The following PEX11B variants were observed in gnomAD, a reference collection of about 807,000 sequenced individuals.
The protein encoded by PEX11B is peroxisomal membrane protein 11B.
PEX11B carries 18 observed loss-of-function variants against 28.2 expected under a neutral mutation model. That is an observed-to-expected ratio of 0.64 (90% CI 0.44 to 0.95). The LOEUF (loss-of-function observed/expected upper bound fraction) is 0.95. PEX11B is among the 40% of genes least tolerant of loss of function. PEX11B has a pLI of 0.00. For synonymous variants in PEX11B, 128 were observed against 128.7 expected (o/e 0.99, Z 0.04); for missense variants, 305 against 319.8 (o/e 0.95, Z 0.35).
chr1:145,915,788 C>A, intron 3 of PEX11B, among the ~76,000 whole-genome samples: 1 of 152,100 alleles, frequency 6.6e-6, no homozygotes, highest in Non-Finnish European at 1.5e-5. Context: ...TGCCCGCCAC[C>A]ACACCTGGCT....
intron 3 of PEX11B, among the ~76,000 whole-genome samples, chr1:145,914,627 C>A (rs1647279284): frequency 6.6e-6 from 1 of 152,110 alleles, no homozygotes; most frequent in Non-Finnish European, 1.5e-5. Context: ...TTCCCTCTAC[C>A]TGGAATATTC....
intron 2 of PEX11B, 65 bp from the exon 3 acceptor site, chr1:145,917,083 A>C: frequency 9.2e-7 from 1 of 1,085,650 alleles, no homozygotes; most frequent in Admixed American, 1.7e-5. Flanking sequence ...AAGAAACAGA[A>C]ACAGAGAAAG....
intron 3 of PEX11B, among the ~76,000 whole-genome samples, chr1:145,914,061 T>C (rs1035914525): frequency 1.3e-5 from 2 of 152,252 alleles, no homozygotes; most frequent in East Asian, 3.9e-4. Flanking sequence ...ATAAATCACA[T>C]CATTACTTCC....
At position 145,912,379 on chromosome 1, in the gene PEX11B, G is replaced by C. The variant is rs782746800; in HGVS notation, c.562C>G (p.Leu188Val). 5 of 1,612,644 alleles carry C rather than the reference G, an allele frequency of 3.1e-6. No individual in the cohort carries two copies. Among genetic ancestry groups the C allele is most frequent in the East Asian group, 4.5e-5 (2 of 44,798 alleles). ...TPGGGLPQLA[L>V]KLRLQVLLLA... ...AGCAGGACTTGCAGCCGAAGTTTCAGAGCCAGTTGGGGCAGACCTCCTCCT... is the reference window on the plus strand; with the variant it reads ...AGCAGGACTTGCAGCCGAAGTTTCACAGCCAGTTGGGGCAGACCTCCTCCT... Residue 188 changes from leucine to valine, a missense_variant, in exon 4 of 4, where the codon CTG becomes GTG. Physicochemically the swap from Leu to Val is conservative, Grantham distance 32. Transcript: ENST00000369306.
Position 145,917,627 on chromosome 1 carries a change from A to C in PEX11B, c.172+74T>G, listed in dbSNP as rs921901526. ...GAAAGAAGAACAGAGAGGGTACAGGAAGGAGGGACAAAGGAAGGTGAGCTG... is the reference window on the plus strand; with the variant it reads ...GAAAGAAGAACAGAGAGGGTACAGGCAGGAGGGACAAAGGAAGGTGAGCTG... On this transcript the variant is annotated intron_variant, in intron 2 of 3. Coordinates refer to ENST00000369306, the MANE Select transcript of PEX11B (RefSeq NM_003846.3). 1.8e-4 allele frequency: 155 copies of C among 840,606 alleles called. No individual in the cohort carries two copies. In the East Asian group the frequency reaches 3.7e-3, roughly 20 times the overall value. 52.1% of individuals were successfully genotyped at this position (840,606 alleles called of 1,614,324 possible).
intron 3 of PEX11B, among the ~76,000 whole-genome samples, chr1:145,916,132 C>T (rs1379751254): frequency 6.6e-6 from 1 of 152,190 alleles, no homozygotes; most frequent in Admixed American, 6.5e-5. Flanking sequence ...TCAATACTGT[C>T]AATCACACTG....
rs1029018752 is a variant in PEX11B, at chr1:145,918,174, G to A, written c.57-358C>T. 10 of 985,410 alleles carry A rather than the reference G, an allele frequency of 1.0e-5. No individual in the cohort carries two copies. The East Asian group carries it at 1.1e-3, about 112-fold the overall frequency. 61.0% of individuals were successfully genotyped at this position (985,410 alleles called of 1,614,324 possible). ...CAGTTGGAGGGCATTTTATTCCTCA[G>A]AATAGGTGAACTGAGAGATTTCAAG... On this transcript the variant is annotated intron_variant, in intron 1 of 3. Coordinates refer to ENST00000369306, the MANE Select transcript of PEX11B (RefSeq NM_003846.3).
intron 3 of PEX11B, among the ~76,000 whole-genome samples, chr1:145,913,469 A>C (rs1040278257): frequency 5.3e-5 from 8 of 152,106 alleles, no homozygotes; most frequent in Non-Finnish European, 8.8e-5. Context: ...AAATGAAGAA[A>C]CAAAGTCCTC....
rs1657858393 is a variant in PEX11B, at chr1:145,912,571, T to C, written c.375-5A>G. The C allele has an allele frequency of 2.0e-6, 3 of 1,478,568 alleles. No individual in the cohort carries two copies. Among genetic ancestry groups the C allele is most frequent in the Admixed American group, 4.8e-5 (2 of 41,762 alleles). The allele number at this position is 1,478,568 out of a possible 1,614,324, so 91.6% of individuals were successfully genotyped here. A position where few individuals can be genotyped will look rare whatever the true frequency, so the allele number is the denominator to read the frequency against. On this transcript the variant is annotated splice_polypyrimidine_tract_variant and splice_region_variant and intron_variant, in intron 3 of 3. Coordinates refer to ENST00000369306, the MANE Select transcript of PEX11B (RefSeq NM_003846.3). Reference sequence around the variant, plus strand: ...ATGAGGGAAAACAAATAGTACCTGATACACAGAGCAAAAGGGTCAGTAAGG... The same window carrying C: ...ATGAGGGAAAACAAATAGTACCTGACACACAGAGCAAAAGGGTCAGTAAGG...
rs201211935 is a variant in PEX11B, at chr1:145,912,514, G to A, written c.427C>T (p.Arg143Cys). The A allele has an allele frequency of 1.5e-5, 23 of 1,497,184 alleles. No individual in the cohort carries two copies. The highest frequency in any genetic ancestry group is 1.8e-4 in the Middle Eastern group (1 of 5,558). 92.7% of individuals were successfully genotyped at this position (1,497,184 alleles called of 1,614,324 possible). Residue 143 changes from arginine to cysteine, a missense_variant, in exon 4 of 4, where the codon CGC (arginine) becomes TGC (cysteine). Transcript: ENST00000369306. ...MNLSRDAYEI[R>C]LLMEQESSAC... is the part of the protein sequence containing the mutation. ...GAAGACTCTTGCTCCATCAGTAGGC[G>A]AATCTCATAAGCATCACGGCTCAAA...
chr1:145,916,830 G>A lies in PEX11B; in HGVS notation c.361C>T (p.Gln121Ter), dbSNP rs782365743. ...APRVDQEKWA[Q>*]RSFRYYLFSL... is the part of the protein sequence containing the mutation. The stretch of plus-strand genomic sequence containing the variant: ...AGGATATCAAACCTGAATGAACGCT[G>A]GGCCCACTTCTCCTGATCCACACGG... The change falls in exon 3 of 4, where the codon CAG (glutamine) becomes TAG (stop). Residue 121 changes from glutamine (Q) to a stop codon, truncating the protein, a stop_gained. Transcript: ENST00000369306. LOFTEE classifies it high-confidence loss of function. 12 of 1,613,174 alleles carry A rather than the reference G, an allele frequency of 7.4e-6. No homozygotes were observed. In the Admixed American group the frequency reaches 1.3e-4, roughly 18 times the overall value.
At chr1:145,917,667 G>T in intron 2 of PEX11B, 34 bp downstream of exon 2, 1 of 1,188,382 alleles carries the variant, frequency 8.4e-7, no homozygotes, top group Non-Finnish European at 1.3e-6. Flanking sequence ...TGGAGGAAAG[G>T]TTGGGGGATA....
rs1553753183 is a variant in PEX11B, at chr1:145,912,195, G to T, written c.746C>A (p.Thr249Asn). 1 of 1,612,982 alleles carries T rather than the reference G, an allele frequency of 6.2e-7. No individual in the cohort carries two copies. The highest frequency in any genetic ancestry group is 8.5e-7 in the Non-Finnish European group (1 of 1,179,368). Residue 249 changes from threonine (T) to asparagine (N), a missense_variant, in exon 4 of 4, where the codon ACC becomes AAC. By Grantham distance (65) the Thr-to-Asn change is moderately conservative. Transcript: ENST00000369306. ...GLVSSILSILTLIYPWLRLKP is the reference protein window; with the variant it reads ...GLVSSILSILNLIYPWLRLKP ...GAGTCGTAGCCAGGGATAGATTAGG[G>T]TGAGAATAGACAGGATGGAGGACAC...
intron 3 of PEX11B, among the ~76,000 whole-genome samples, chr1:145,915,832 C>T (rs1647346990): frequency 6.6e-6 from 1 of 152,040 alleles, no homozygotes; most frequent in Non-Finnish European, 1.5e-5. Flanking sequence ...CGGGGTTTTG[C>T]CACGTTGGCC....
chr1:145,917,901 C>A, intron 1 of PEX11B, 85 bp from the exon 2 acceptor site: 3 of 1,393,666 alleles, frequency 2.2e-6, no homozygotes, highest in Non-Finnish European at 3.0e-6. Context: ...AGACAGACTT[C>A]CCCCTTTCCC....
Position 145,917,898 on chromosome 1 carries a change from C to T in PEX11B, c.57-82G>A, listed in dbSNP as rs2274612. 21,742 of 1,406,052 alleles carry T rather than the reference C, an allele frequency of 0.015. 2,215 individuals carry two copies. The African/African-American group carries it at 0.24, about 16-fold the overall frequency. 87.1% of individuals were successfully genotyped at this position (1,406,052 alleles called of 1,614,324 possible). A position where few individuals can be genotyped will look rare whatever the true frequency, so the allele number is the denominator to read the frequency against. On this transcript the variant is annotated intron_variant, in intron 1 of 3. Transcript: ENST00000369306. ...CTATCTTCCAAAAGGCACAGACAGA[C>T]TTCCCCCTTTCCCAGTTTGAGAACA...
In PEX11B at chr1:145,918,659, C is replaced by T; in HGVS notation, c.30G>A (p.Gln10=). The T allele has an allele frequency of 1.3e-6, 2 of 1,592,510 alleles. No homozygotes were observed. Among genetic ancestry groups the T allele is most frequent in the Non-Finnish European group, 1.7e-6 (2 of 1,170,518 alleles). ...TACACAGCCGCTCCCGGGCTTGGCT[C>T]TGAGCACTGAAGCGGACCCAGGCGT... is the stretch of plus-strand genomic sequence containing the variant. MDAWVRFSA[Q]SQARERLCRA... The change falls in exon 1 of 4, where the codon CAG becomes CAA. Residue 10 remains glutamine (Q), a synonymous_variant. Coordinates refer to ENST00000369306, the MANE Select transcript of PEX11B (RefSeq NM_003846.3).
chr1:145,918,023 C>T (rs1570937108), intron 1 of PEX11B: 1 of 984,634 alleles, frequency 1.0e-6, no homozygotes, highest in Non-Finnish European at 1.2e-6. Context: ...GTGGGGAGCA[C>T]TATTGAATGT....
At chr1:145,913,699 CAG>C (rs1657908749) in intron 3 of PEX11B, among the ~76,000 whole-genome samples, 1 of 152,078 alleles carries the variant, frequency 6.6e-6, no homozygotes, top group Non-Finnish European at 1.5e-5. Context: ...TCAGATGTCT[CAG>C]AGACTCAAAC....
Sources: gnomAD v4.1 joint callset for allele counts (sites outside exome capture counted in the v4.1 genomes callset) on GRCh38, gnomAD v4.1.1 for gene constraint, MANE v1.5 for transcripts, NCBI Gene and HGNC (gene_info 2026-07-23, HGNC 2026-07-21) for gene names.